Variants in PAG1 observed in about 807,000 individuals in gnomAD.
PAG1 encodes phosphoprotein membrane anchor with glycosphingolipid microdomains 1, also known as phosphoprotein associated with glycosphingolipid-enriched microdomains 1.
Under a neutral mutation model 31.7 loss-of-function variants are expected in PAG1, and 23 were observed. The ratio of observed to expected loss-of-function variants is 0.73; its 90% CI spans 0.52 to 1.03. The LOEUF (loss-of-function observed/expected upper bound fraction) is 1.03. Ranked by LOEUF, PAG1 falls within the 50% of genes least tolerant of loss-of-function variation. The pLI, the probability that PAG1 is intolerant of heterozygous loss-of-function variation, is 0.00. For synonymous variants in PAG1, 214 were observed against 210.3 expected, an observed-to-expected ratio of 1.02 and a Z score of -0.15; for missense variants, 473 against 540.7, an observed-to-expected ratio of 0.87 and a Z score of 1.24.
intron 1 of PAG1, among the ~76,000 whole-genome samples, chr8:81,088,617 G>A (rs898298167): frequency 1.3e-5 from 2 of 152,028 alleles, no homozygotes; most frequent in African/African-American, 4.8e-5. Context: ...GAAAATAGTG[G>A]GAAAGTACTA....
At chr8:81,096,731 C>T (rs1167209749) in intron 1 of PAG1, among the ~76,000 whole-genome samples, 1 of 152,122 alleles carries the variant, frequency 6.6e-6, no homozygotes, top group African/African-American at 2.4e-5. Flanking sequence ...AATGGAAATA[C>T]GAGGTTGCAA....
chr8:81,103,479 C>G (rs967527362), intron 1 of PAG1, among the ~76,000 whole-genome samples: 8 of 152,092 alleles, frequency 5.3e-5, no homozygotes, highest in Admixed American at 3.9e-4. Flanking sequence ...ATATGTATAA[C>G]GGGAGTGATT....
intron 2 of PAG1, among the ~76,000 whole-genome samples, chr8:81,064,682 C>T (rs559204356): frequency 2.0e-5 from 3 of 150,998 alleles, no homozygotes; most frequent in Admixed American, 6.6e-5. Flanking sequence ...TCAGGCACCT[C>T]GGGTTTCTAC....
At chr8:81,025,135 TC>T (rs1164750762) in intron 3 of PAG1, among the ~76,000 whole-genome samples, 1 of 151,892 alleles carries the variant, frequency 6.6e-6, no homozygotes, top group Non-Finnish European at 1.5e-5. Context: ...TCTGTTTGCC[TC>T]CTATGACGGT....
At chr8:81,033,727 A>G (rs1808417768) in intron 2 of PAG1, among the ~76,000 whole-genome samples, 1 of 152,222 alleles carries the variant, frequency 6.6e-6, no homozygotes, top group Admixed American at 6.5e-5. Flanking sequence ...ATGTGTTTTT[A>G]CCAAACTAAC....
Position 81,012,307 on chromosome 8 carries a change from T to C in PAG1, c.-81+17689A>G, listed in dbSNP as rs1414249861. ...TGAGGCACTTCTGTTTGGTCTAGAC[T>C]AGCACTTTAAGCCATATTGATAACA... On this transcript the variant is annotated intron_variant, in intron 3 of 8. Coordinates refer to ENST00000220597, the MANE Select transcript of PAG1 (RefSeq NM_018440.4). Among the ~76,000 whole-genome samples the C allele has an allele frequency of 1.3e-5, 2 of 152,210 alleles. 1 individual carries two copies.
chr8:80,982,322 G>T (rs1023665982), intron 7 of PAG1, among the ~76,000 whole-genome samples: 1 of 151,770 alleles, frequency 6.6e-6, no homozygotes, highest in African/African-American at 2.4e-5. Context: ...AATGAGACTC[G>T]CCTTCCCTGA....
At chr8:81,036,470 AAT>A (rs1384246466) in intron 2 of PAG1, among the ~76,000 whole-genome samples, 1 of 152,224 alleles carries the variant, frequency 6.6e-6, no homozygotes. Flanking sequence ...GTACATTATC[AAT>A]ATAACAGAGA....
intron 1 of PAG1, among the ~76,000 whole-genome samples, chr8:81,083,709 GT>G (rs1334538461): frequency 6.6e-6 from 1 of 152,146 alleles, no homozygotes; most frequent in East Asian, 1.9e-4. Context: ...GCCTGTTGGT[GT>G]TTTCCACTTG....
At chr8:81,025,473 A>G (rs1435492681) in intron 3 of PAG1, among the ~76,000 whole-genome samples, 2 of 152,150 alleles carry the variant, frequency 1.3e-5, no homozygotes, top group Non-Finnish European at 2.9e-5. Flanking sequence ...GGCCTCCAGG[A>G]GCAACTGTCT....
In PAG1 at chr8:80,988,145, A is replaced by G. The variant is rs564158430; in HGVS notation, c.178-679T>C. On this transcript the variant is annotated intron_variant, in intron 5 of 8. Transcript: ENST00000220597. ...TGCAGAGCTTCCTGCCTGGTGACCT[A>G]CACAGGGCTATAGGCAGGTTGTGAG... 3.3e-5 allele frequency among the ~76,000 whole-genome samples: 5 copies of G among 151,386 alleles called. No individual in the cohort carries two copies. In the South Asian group the frequency reaches 1.0e-3, roughly 32 times the overall value.
intron 1 of PAG1, among the ~76,000 whole-genome samples, chr8:81,099,078 A>T (rs970139234): frequency 6.6e-6 from 1 of 152,242 alleles, no homozygotes; most frequent in Admixed American, 6.5e-5. Flanking sequence ...GTGAATATTC[A>T]TCTACTTTGC....
intron 1 of PAG1, among the ~76,000 whole-genome samples, chr8:81,086,224 G>A (rs1315726738): frequency 3.3e-5 from 5 of 151,540 alleles, no homozygotes; most frequent in Admixed American, 6.6e-5. Flanking sequence ...CTCGTGATCC[G>A]CCCGCCTCGG....
chr8:81,004,888 T>C (rs1420965942), intron 3 of PAG1, among the ~76,000 whole-genome samples: 2 of 152,198 alleles, frequency 1.3e-5, no homozygotes, highest in Admixed American at 6.5e-5. Context: ...ACGCATGCAC[T>C]TGACCACAGC....
intron 5 of PAG1, 80 bp downstream of exon 5, chr8:80,991,399 A>G (rs1807543746): frequency 9.1e-7 from 1 of 1,102,848 alleles, no homozygotes; most frequent in Admixed American, 1.7e-5. Flanking sequence ...GGCTGTGAGC[A>G]CATGGGAGCA....
rs1238717952 is a variant in PAG1, at chr8:80,987,400, C to T, written c.244G>A (p.Glu82Lys). 3 of 1,613,694 alleles carry T rather than the reference C, an allele frequency of 1.9e-6. No homozygotes were observed. The highest frequency in any genetic ancestry group is 1.7e-5 in the Admixed American group (1 of 60,020). ...SLATDAPASS[E>K]QNGALTNGDI... ...CCATTGGTGAGTGCCCCATTCTGCT[C>T]ACTGCTGGCAGGAGCATCTGTTGCC... The change falls in exon 6 of 9, where the codon GAG (glutamate) becomes AAG (lysine). Residue 82 changes from glutamate to lysine, a missense_variant. Physicochemically the swap from Glu to Lys is moderately conservative, Grantham distance 56. Transcript: ENST00000220597.
At chr8:81,058,258 C>T (rs1447537904) in intron 2 of PAG1, among the ~76,000 whole-genome samples, 1 of 151,992 alleles carries the variant, frequency 6.6e-6, no homozygotes, top group African/African-American at 2.4e-5. Context: ...ACAACAGCAG[C>T]ACAAAGAAAA....
Position 80,968,642 on chromosome 8 carries a change from C to T in PAG1, c.*7902G>A, listed in dbSNP as rs904750735. The T allele has an allele frequency of 4.6e-5, 7 of 152,094 alleles. No individual in the cohort carries two copies. Among genetic ancestry groups the T allele is most frequent in the African/African-American group, 1.7e-4 (7 of 41,412 alleles). The allele number at this position is 152,094 out of a possible 1,614,324, so 9.4% of individuals were successfully genotyped here. ...TATTTTAATATGAGGAGTTTCTTTT[C>T]CTAGTTAAAACAAAGTAGATGTCTT... On this transcript the variant is annotated 3_prime_UTR_variant, in exon 9 of 9. Transcript: ENST00000220597.
chr8:81,052,264 A>G (rs1808745815), intron 2 of PAG1, among the ~76,000 whole-genome samples: 1 of 152,068 alleles, frequency 6.6e-6, no homozygotes, highest in Non-Finnish European at 1.5e-5. Context: ...AGTGATTTTT[A>G]TGTGATACTC....
Sources: gnomAD v4.1 joint callset for allele counts (sites outside exome capture counted in the v4.1 genomes callset) on GRCh38, gnomAD v4.1.1 for gene constraint, MANE v1.5 for transcripts, NCBI Gene and HGNC (gene_info 2026-07-23, HGNC 2026-07-21) for gene names.